The following KIRREL3 variants were observed in gnomAD, a reference collection of about 807,000 sequenced individuals.
The protein encoded by KIRREL3 is kirre like nephrin family adhesion molecule 3, also known as kin of IRRE-like protein 3.
A neutral mutation model predicts 89.7 loss-of-function variants in KIRREL3; 36 were observed. That is an observed-to-expected ratio of 0.40 (90% confidence interval 0.31 to 0.53). The LOEUF is 0.53. KIRREL3 is among the 20% of genes least tolerant of loss of function. The pLI is 0.49. For missense variants in KIRREL3, 864 were observed against 1,056.6 expected, an observed-to-expected ratio of 0.82 and a Z score of 2.53; for synonymous variants, 445 against 441.4, an observed-to-expected ratio of 1.01 and a Z score of -0.10.
chr11:126,992,840 C>T (rs1458721307), intron 1 of KIRREL3, among the ~76,000 whole-genome samples: 1 of 152,218 alleles, frequency 6.6e-6, no homozygotes, highest in Non-Finnish European at 1.5e-5. Flanking sequence ...TTCCTCAATG[C>T]ACTCTTTCTG....
chr11:126,478,749 G>A (rs1957146295), intron 4 of KIRREL3, among the ~76,000 whole-genome samples: 2 of 151,960 alleles, frequency 1.3e-5, no homozygotes, highest in Admixed American at 1.3e-4. Context: ...ATGTAAGTGT[G>A]TGTGTGTATA....
intron 1 of KIRREL3, among the ~76,000 whole-genome samples, chr11:126,825,565 T>G (rs1946067): frequency 0.86 from 131,410 of 152,204 alleles, 57,079 homozygotes; most frequent in East Asian, 1. Flanking sequence ...CCTGAGATTT[T>G]AAATGGTGAT....
At chr11:126,926,346 A>C (rs1947714340) in intron 1 of KIRREL3, among the ~76,000 whole-genome samples, 1 of 152,210 alleles carries the variant, frequency 6.6e-6, no homozygotes, top group African/African-American at 2.4e-5. Context: ...AACATTAAGC[A>C]TTCCTAACAC....
intron 1 of KIRREL3, among the ~76,000 whole-genome samples, chr11:126,849,030 G>C (rs1319115444): frequency 6.6e-6 from 1 of 152,222 alleles, no homozygotes; most frequent in Non-Finnish European, 1.5e-5. Context: ...GATAAAATAA[G>C]GCTAAGACCT....
intron 1 of KIRREL3, among the ~76,000 whole-genome samples, chr11:126,672,954 T>C (rs1248311918): frequency 6.6e-6 from 1 of 152,236 alleles, no homozygotes; most frequent in Non-Finnish European, 1.5e-5. Context: ...CTGCCCTTCA[T>C]CAAATTATAG....
intron 1 of KIRREL3, among the ~76,000 whole-genome samples, chr11:126,863,614 C>CAT (rs1156968668): frequency 3.2e-4 from 6 of 18,842 alleles, no homozygotes; most frequent in African/African-American, 1.4e-3. Context: ...TGTTTGCGTG[C>CAT]GTGTGTGTGT....
chr11:126,690,974 G>T (rs1237317253), intron 1 of KIRREL3, among the ~76,000 whole-genome samples: 1 of 152,172 alleles, frequency 6.6e-6, no homozygotes, highest in Non-Finnish European at 1.5e-5. Flanking sequence ...CACTTTCTTT[G>T]CAGTGTCTTG....
intron 1 of KIRREL3, among the ~76,000 whole-genome samples, chr11:126,712,666 A>G (rs1947809848): frequency 6.9e-6 from 1 of 144,212 alleles, no homozygotes; most frequent in Non-Finnish European, 1.5e-5. Flanking sequence ...TCTCAAGAGG[A>G]GGGAAAGTGG....
At position 126,557,629 on chromosome 11, in the gene KIRREL3, C is replaced by T. The variant is rs997984720; in HGVS notation, c.133+5206G>A. On this transcript the variant is annotated intron_variant, in intron 2 of 16. Transcript: ENST00000525144. The surrounding 1 kb of genome is among the most constrained non-coding windows in gnomAD (Gnocchi z 5.6). ...TTTCTATACGAGGAAACAGTAGAAG[C>T]TTTAGACTCATTTTTTTATTAGTGT... 9.2e-5 allele frequency among the ~76,000 whole-genome samples: 14 copies of T among 152,164 alleles called. 1 individual carries two copies. Among genetic ancestry groups the T allele is most frequent in the African/African-American group, 3.4e-4 (14 of 41,432 alleles).
intron 1 of KIRREL3, among the ~76,000 whole-genome samples, chr11:126,712,261 G>A (rs1451973250): frequency 3.6e-5 from 3 of 82,550 alleles, no homozygotes; most frequent in African/African-American, 9.4e-5. Flanking sequence ...CCAGATAAGG[G>A]CGAGTGTGTG....
rs1955546916 is a variant in KIRREL3 at position 126,441,076 on chromosome 11, C to T, written c.1253-527G>A. Among the ~76,000 whole-genome samples the T allele has an allele frequency of 6.6e-6, 1 of 152,220 alleles. No individual in the cohort carries two copies. Among genetic ancestry groups the T allele is most frequent in the African/African-American group, 2.4e-5 (1 of 41,462 alleles). Reference sequence around the variant, plus strand: ...ACGGGCCAACGGGAAGAAATGGTTGCTGTCCCTCTCCTTAGGGCGGGAATC... The same window carrying T: ...ACGGGCCAACGGGAAGAAATGGTTGTTGTCCCTCTCCTTAGGGCGGGAATC... On this transcript the variant is annotated intron_variant, in intron 10 of 16. Coordinates refer to ENST00000525144, the MANE Select transcript of KIRREL3 (RefSeq NM_032531.4). This position sits in a 1 kb window ranked among gnomAD's most constrained non-coding sequence, Gnocchi z 5.0.
At chr11:126,832,199 T>A (rs1943630991) in intron 1 of KIRREL3, among the ~76,000 whole-genome samples, 1 of 152,108 alleles carries the variant, frequency 6.6e-6, no homozygotes, top group Non-Finnish European at 1.5e-5. Context: ...ATAAGGATGA[T>A]CCTAGGTGCA....
rs918151235 is a variant in KIRREL3, at chr11:126,574,030, C to A, written c.56-11118G>T. On this transcript the variant is annotated intron_variant, in intron 1 of 16. Coordinates refer to ENST00000525144, the MANE Select transcript of KIRREL3 (RefSeq NM_032531.4). This position sits in a 1 kb window ranked among gnomAD's most constrained non-coding sequence, Gnocchi z 5.3. ...CACATTCCAGAAAGCTCCATGGAAG[C>A]CCCTTACAGGCCCCAGACAAGGGGC... Among the ~76,000 whole-genome samples, 3 of 152,198 alleles carry A rather than the reference C, an allele frequency of 2.0e-5. No homozygotes were observed. Among genetic ancestry groups the A allele is most frequent in the Non-Finnish European group, 2.9e-5 (2 of 68,048 alleles).
chr11:126,975,826 C>A (rs575341717), intron 1 of KIRREL3, among the ~76,000 whole-genome samples: 1 of 152,064 alleles, frequency 6.6e-6, no homozygotes, highest in Admixed American at 6.6e-5. Context: ...CTTAATAATG[C>A]TAAGTTCGCT....
chr11:126,812,152 T>G lies in KIRREL3; in HGVS notation c.55+188303A>C, dbSNP rs976373139. ...AAGGAAACTGCTTGCCATTTGCTACTATTTAACCCATTCTTTCTATTGTGA... is the reference window on the plus strand; with the variant it reads ...AAGGAAACTGCTTGCCATTTGCTACGATTTAACCCATTCTTTCTATTGTGA... On this transcript the variant is annotated intron_variant, in intron 1 of 16. Transcript: ENST00000525144. This position sits in a 1 kb window ranked among gnomAD's most constrained non-coding sequence, Gnocchi z 5.2. 3.3e-5 allele frequency among the ~76,000 whole-genome samples: 5 copies of G among 152,194 alleles called. No homozygotes were observed. The highest frequency in any genetic ancestry group is 1.2e-4 in the African/African-American group (5 of 41,432).
At chr11:126,810,064 G>A (rs542546931) in intron 1 of KIRREL3, among the ~76,000 whole-genome samples, 75 of 152,266 alleles carry the variant, frequency 4.9e-4, no homozygotes, top group Non-Finnish European at 7.8e-4. Context: ...GAAAGGCAGC[G>A]TGTTGAGTCA....
chr11:126,655,245 C>T lies in KIRREL3; in HGVS notation c.56-92333G>A. Among the ~76,000 whole-genome samples, 1 of 152,218 alleles carries T rather than the reference C, an allele frequency of 6.6e-6. No individual in the cohort carries two copies. The highest frequency in any genetic ancestry group is 1.9e-4 in the East Asian group (1 of 5,208). On this transcript the variant is annotated intron_variant, in intron 1 of 16. Coordinates refer to ENST00000525144, the MANE Select transcript of KIRREL3 (RefSeq NM_032531.4). This position sits in a 1 kb window ranked among gnomAD's most constrained non-coding sequence, Gnocchi z 5.0. ...AATTTTTCCTGATGTCAAAGCCTCA[C>T]CCAGGAGAGCTCTCGCTGTTGCCTG...
At chr11:126,593,251 C>G (rs1301633804) in intron 1 of KIRREL3, among the ~76,000 whole-genome samples, 2 of 152,216 alleles carry the variant, frequency 1.3e-5, no homozygotes, top group Admixed American at 1.3e-4. Context: ...ACTCATCGGT[C>G]ACTGCTTGCG....
Position 126,601,266 on chromosome 11 carries a change from CA to C in KIRREL3, c.56-38355del, listed in dbSNP as rs1378666384. ...GATGCAATATAATTTTAAAACCCTC[CA>C]GAACAAGGATCAGAAAACAACTGGC... On this transcript the variant is annotated intron_variant, in intron 1 of 16. Coordinates refer to ENST00000525144, the MANE Select transcript of KIRREL3 (RefSeq NM_032531.4). The surrounding 1 kb of genome is among the most constrained non-coding windows in gnomAD (Gnocchi z 5.8). Among the ~76,000 whole-genome samples, 1 of 152,130 alleles carries C rather than the reference CA, an allele frequency of 6.6e-6. No homozygotes were observed. Among genetic ancestry groups the C allele is most frequent in the African/African-American group, 2.4e-5 (1 of 41,414 alleles).
Sources: gnomAD v4.1 joint callset for allele counts (sites outside exome capture counted in the v4.1 genomes callset) on GRCh38, gnomAD v4.1.1 for gene constraint, Gnocchi (gnomAD v3.1) non-coding constraint, MANE v1.5 for transcripts, NCBI Gene and HGNC (gene_info 2026-07-23, HGNC 2026-07-21) for gene names.